The following HTT variants were observed in gnomAD, a reference collection of about 807,000 sequenced individuals.
HTT encodes huntington disease protein.
In HTT, 104 loss-of-function variants were observed where a neutral mutation model predicts 362.3. That is an observed-to-expected ratio of 0.29 (90% CI 0.24 to 0.34). The LOEUF (loss-of-function observed/expected upper bound fraction) is 0.34. Ranked by LOEUF, HTT falls within the 10% of genes least tolerant of loss-of-function variation. HTT has a pLI of 1.00. For synonymous variants in HTT, 1,577 were observed against 1,548.7 expected (o/e 1.02, Z -0.43); for missense variants, 3,301 against 3,928.6 (o/e 0.84, Z 4.27).
chr4:3,165,311 C>T (rs1717646960), intron 29 of HTT, among the ~76,000 whole-genome samples: 1 of 152,068 alleles, frequency 6.6e-6, no homozygotes, highest in Non-Finnish European at 1.5e-5. Context: ...ATGGGCTTCC[C>T]TTTGTGGGTA....
intron 39 of HTT, chr4:3,188,130 C>T: frequency 2.6e-6 from 1 of 392,026 alleles, no homozygotes; most frequent in Non-Finnish European, 4.6e-6. Flanking sequence ...CAGTGGCTCG[C>T]CTCAGGCAGG....
At position 3,238,868 on chromosome 4, in the gene HTT, G is replaced by A; in HGVS notation, c.9105G>A (p.Trp3035Ter). Residue 3035 changes from tryptophan to a stop codon, truncating the protein, a stop_gained, in exon 66 of 67, where the codon TGG (tryptophan) becomes TGA (stop). Transcript: ENST00000355072. LOFTEE classifies it high-confidence loss of function. ...STGQSSMVRDWVMLSLSNFTQ... is the reference protein window; with the variant it reads ...STGQSSMVRD ...GGCAGTCGTCCATGGTCCGGGACTG[G>A]GTCATGCTGTCCCTCTCCAACTTCA... 6.2e-7 allele frequency: 1 copy of A among 1,612,736 alleles called. No individual in the cohort carries two copies.
chr4:3,233,011 T>C, intron 60 of HTT, 152 bp from the exon 61 acceptor site: 1 of 595,458 alleles, frequency 1.7e-6, no homozygotes, highest in Non-Finnish European at 2.9e-6. Flanking sequence ...GGGCCAGCCT[T>C]GCACACAGGC....
intron 7 of HTT, among the ~76,000 whole-genome samples, chr4:3,115,874 G>A (rs912083413): frequency 6.6e-6 from 1 of 152,234 alleles, no homozygotes; most frequent in African/African-American, 2.4e-5. Context: ...TAACGACCTG[G>A]CTTTCAAAGG....
At chr4:3,172,293 C>CTTAATG (rs761149722) in intron 29 of HTT, 27 bp from the exon 30 acceptor site, 5 of 1,349,148 alleles carry the variant, frequency 3.7e-6, no homozygotes, top group Non-Finnish European at 5.3e-6. Flanking sequence ...CTCTGAGTCG[C>CTTAATG]TTAATGTCTC....
chr4:3,227,921 C>T (rs541259582), intron 57 of HTT, among the ~76,000 whole-genome samples: 2 of 152,248 alleles, frequency 1.3e-5, no homozygotes, highest in African/African-American at 4.8e-5. Flanking sequence ...GGGGTCTGGG[C>T]GAGGGGAGTG....
intron 61 of HTT, among the ~76,000 whole-genome samples, chr4:3,233,907 C>T (rs549706343): frequency 2.6e-5 from 4 of 152,324 alleles, no homozygotes; most frequent in Non-Finnish European, 4.4e-5. Flanking sequence ...CTGGTCTCAC[C>T]GCCACTCTTC....
At chr4:3,104,631 T>G (rs1714334187) in intron 4 of HTT, among the ~76,000 whole-genome samples, 2 of 151,706 alleles carry the variant, frequency 1.3e-5, no homozygotes, top group Admixed American at 1.3e-4. Flanking sequence ...GAAATAAAAT[T>G]GGGCCGGGTG....
chr4:3,112,432 C>T (rs1243604225), intron 6 of HTT, among the ~76,000 whole-genome samples: 1 of 152,206 alleles, frequency 6.6e-6, no homozygotes, highest in Non-Finnish European at 1.5e-5. Flanking sequence ...CGTCACTGCT[C>T]CTGCCTTCCT....
rs777646822 is a variant in HTT at position 3,176,025 on chromosome 4, G to GTTTTTTTTTTT, written c.4407+927_4407+928insTTTTTTTTTTT. ...CTTGTTTTTTTTGTTGTTGTTGTTT[G>GTTTTTTTTTTT]TTTTTTTTTGTTTTTTTTTTGAGAT... On this transcript the variant is annotated intron_variant, in intron 33 of 66. Transcript: ENST00000355072. 2.3e-4 allele frequency among the ~76,000 whole-genome samples: 32 copies of GTTTTTTTTTTT among 139,184 alleles called. 1 individual carries two copies. The highest frequency in any genetic ancestry group is 3.0e-4 in the African/African-American group (10 of 33,746). 91.3% of individuals were successfully genotyped at this position (139,184 alleles called of 152,430 possible). A position where few individuals can be genotyped will look rare whatever the true frequency, so the allele number is the denominator to read the frequency against.
intron 1 of HTT, among the ~76,000 whole-genome samples, chr4:3,077,888 G>C (rs1289124864): frequency 6.6e-6 from 1 of 152,208 alleles, no homozygotes; most frequent in Non-Finnish European, 1.5e-5. Flanking sequence ...TGCTCACAAA[G>C]TTTGGATTTT....
intron 37 of HTT, among the ~76,000 whole-genome samples, chr4:3,185,482 T>C (rs1718717708): frequency 6.6e-6 from 1 of 152,204 alleles, no homozygotes; most frequent in African/African-American, 2.4e-5. Context: ...CACATCTGTT[T>C]GCAGAGTTGT....
In HTT at chr4:3,136,290, C is replaced by T. The variant is rs376581329; in HGVS notation, c.2762C>T (p.Pro921Leu). The change falls in exon 21 of 67, where the codon CCC (proline) becomes CTC (leucine). Residue 921 changes from proline (P) to leucine (L), a missense_variant. Pro to Leu is a moderately conservative substitution (Grantham distance 98). This residue lies in a region of HTT where 2,316 missense variants were observed against 2,658.5 expected (regional missense o/e 0.87). Coordinates refer to ENST00000355072, the MANE Select transcript of HTT (RefSeq NM_001388492.1). ...ATCCATTTGCTTGGAGATGAAGACC[C>T]CAGGGTGCGACATGTTGCCGCAGCA... ...VVIHLLGDED[P>L]RVRHVAAASL... The T allele has an allele frequency of 1.4e-5, 22 of 1,610,516 alleles. No individual in the cohort carries two copies. The highest frequency in any genetic ancestry group is 1.9e-5 in the Non-Finnish European group (22 of 1,177,072).
intron 41 of HTT, 58 bp from the exon 42 acceptor site, chr4:3,203,949 T>G (rs1719717867): frequency 1.3e-6 from 2 of 1,556,024 alleles, no homozygotes; most frequent in East Asian, 4.5e-5. Context: ...TTCAGTATTT[T>G]GCAAATAAGC....
chr4:3,181,748 A>G (rs1006370576), intron 36 of HTT, among the ~76,000 whole-genome samples: 64 of 152,192 alleles, frequency 4.2e-4, no homozygotes, highest in South Asian at 6.2e-4. Context: ...AGGTCTGAAA[A>G]TGAGCAACTG....
At chr4:3,210,837 G>T (rs1363942893) in intron 47 of HTT, among the ~76,000 whole-genome samples, 2 of 151,742 alleles carry the variant, frequency 1.3e-5, no homozygotes, top group Non-Finnish European at 1.5e-5. Flanking sequence ...GTGTTCTGAT[G>T]TACTGAAGAG....
At chr4:3,231,498 G>A (rs1017065901) in intron 60 of HTT, among the ~76,000 whole-genome samples, 4 of 152,176 alleles carry the variant, frequency 2.6e-5, no homozygotes, top group African/African-American at 9.7e-5. Context: ...AGAGGTTGAG[G>A]TGAGCACATG....
chr4:3,128,354 C>T (rs1318977354), intron 12 of HTT: 1 of 152,112 alleles, frequency 6.6e-6, no homozygotes, highest in East Asian at 1.9e-4. Flanking sequence ...GAGAGCTTGA[C>T]CTCATCTGAT....
At chr4:3,237,546 G>A (rs2110305516) in intron 64 of HTT, among the ~76,000 whole-genome samples, 1 of 152,118 alleles carries the variant, frequency 6.6e-6, no homozygotes, top group African/African-American at 2.4e-5. Flanking sequence ...CAAAGAGTGT[G>A]GTGCACGCCT....
Sources: gnomAD v4.1 joint callset for allele counts (sites outside exome capture counted in the v4.1 genomes callset) on GRCh38, gnomAD v4.1.1 for gene constraint, gnomAD v4.1.1 regional missense constraint, MANE v1.5 for transcripts, NCBI Gene and HGNC (gene_info 2026-07-23, HGNC 2026-07-21) for gene names.